The following PRMT8 variants were observed in gnomAD, a reference collection of about 807,000 sequenced individuals.
PRMT8 encodes the protein protein arginine N-methyltransferase 8.
In PRMT8, 7 loss-of-function variants were observed where a neutral mutation model predicts 47.1. That is an observed-to-expected ratio of 0.15 (90% CI 0.08 to 0.28). PRMT8 has a LOEUF of 0.28. Among genes scored for constraint, PRMT8 ranks in the 10% least tolerant of loss-of-function variants. The pLI is 1.00. For missense variants in PRMT8, 237 were observed against 505.4 expected (o/e 0.47, Z 5.09); for synonymous variants, 188 against 186.5 (o/e 1.01, Z -0.07).
chr12:3,490,630 C>T (rs1375885667), upstream of PRMT8, among the ~76,000 whole-genome samples: 2 of 148,658 alleles, frequency 1.3e-5, no homozygotes, highest in Non-Finnish European at 3.0e-5. Flanking sequence ...TTGCCCCTCC[C>T]TCTCAGCCTG....
chr12:3,393,388 G>A (rs1432307547), intron 1 of PRMT8, among the ~76,000 whole-genome samples: 1 of 149,408 alleles, frequency 6.7e-6, no homozygotes, highest in Admixed American at 6.7e-5. Flanking sequence ...ATTGATTTTT[G>A]TATAAGGTGT....
At chr12:3,401,649 T>G (rs1190928586) in intron 1 of PRMT8, among the ~76,000 whole-genome samples, 1 of 152,176 alleles carries the variant, frequency 6.6e-6, no homozygotes, top group Non-Finnish European at 1.5e-5. Context: ...AAAATCAGTG[T>G]GCAAAAATTG....
chr12:3,496,214 A>ATATATATATTTTT, intron 1 of PRMT8, among the ~76,000 whole-genome samples: 8 of 27,772 alleles, frequency 2.9e-4, no homozygotes, highest in Admixed American at 7.4e-4. Flanking sequence ...ATATATATAT[A>ATATATATATTTTT]TTTTTTTTTT....
intron 1 of PRMT8, chr12:3,469,000 C>T (rs1205588176): frequency 7.1e-6 from 2 of 283,038 alleles, no homozygotes; most frequent in Admixed American, 4.4e-5. Context: ...GCCATGGCCA[C>T]GTGCTGTCTA....
At chr12:3,435,907 T>C (rs56090319) in intron 1 of PRMT8, among the ~76,000 whole-genome samples, 2,191 of 152,242 alleles carry the variant, frequency 0.014, 52 homozygotes, top group African/African-American at 0.05. Flanking sequence ...TTAAGCTTGA[T>C]ATATTTCATC....
chr12:3,401,388 G>A lies in PRMT8; in HGVS notation c.48+19946G>A, dbSNP rs184823883. The stretch of plus-strand genomic sequence containing the variant: ...ATGTCATACTGAATAAGCAAAAGCT[G>A]GAAGCATTCCACTTGAAAATCGGCA... On this transcript the variant is annotated intron_variant, in intron 1 of 9. Transcript: ENST00000452611. Among the ~76,000 whole-genome samples the A allele has an allele frequency of 2.3e-3, 343 of 152,080 alleles. 3 individuals are homozygous for A. Among genetic ancestry groups the A allele is most frequent in the African/African-American group, 8.0e-3 (332 of 41,500 alleles).
At position 3,456,518 on chromosome 12, in the gene PRMT8, C is replaced by A. The variant is rs542529140; in HGVS notation, c.48+75076C>A. Among the ~76,000 whole-genome samples, 2 of 152,186 alleles carry A rather than the reference C, an allele frequency of 1.3e-5. No individual in the cohort carries two copies. Among genetic ancestry groups the A allele is most frequent in the Non-Finnish European group, 2.9e-5 (2 of 68,028 alleles). ...ACCCACGAGCACACATTCGGCATCA[C>A]GAGCGATCTGTTGTGCAGCCCGATC... On this transcript the variant is annotated intron_variant, in intron 1 of 9. Coordinates refer to the PRMT8 transcript ENST00000452611. This position sits in a 1 kb window ranked among gnomAD's most constrained non-coding sequence, Gnocchi z 4.2.
In PRMT8 at chr12:3,454,776, G is replaced by C. The variant is rs11062654; in HGVS notation, c.48+73334G>C. Among the ~76,000 whole-genome samples the C allele has an allele frequency of 8.0e-3, 1,218 of 152,258 alleles. 41 individuals are homozygous for C. The East Asian group carries it at 0.091, about 11-fold the overall frequency. ...CACCTGCTTCCTCGTGTTGTTTGCTGCCTATTGACCTAGAATCCCACAGAC... is the reference window on the plus strand; with the variant it reads ...CACCTGCTTCCTCGTGTTGTTTGCTCCCTATTGACCTAGAATCCCACAGAC... On this transcript the variant is annotated intron_variant, in intron 1 of 9. Transcript: ENST00000452611.
intron 1 of PRMT8, among the ~76,000 whole-genome samples, chr12:3,494,746 A>G (rs1391594639): frequency 6.6e-6 from 1 of 152,228 alleles, no homozygotes; most frequent in East Asian, 1.9e-4. Context: ...GTACCCAGCT[A>G]GGGTACGAGA....
chr12:3,449,200 G>C (rs565693850), intron 1 of PRMT8, among the ~76,000 whole-genome samples: 1 of 152,142 alleles, frequency 6.6e-6, no homozygotes, highest in African/African-American at 2.4e-5. Context: ...GTGAATATAC[G>C]TGTGCATGTA....
chr12:3,480,688 G>A (rs1865266121), intron 1 of PRMT8, among the ~76,000 whole-genome samples: 1 of 152,034 alleles, frequency 6.6e-6, no homozygotes, highest in African/African-American at 2.4e-5. Flanking sequence ...TGCTTTCTCT[G>A]ATGCCTATAG....
chr12:3,419,970 AGGGAGAGGGGGAGAGGGGGAGAG>A (rs1864522873), intron 1 of PRMT8, among the ~76,000 whole-genome samples: 1 of 83,604 alleles, frequency 1.2e-5, no homozygotes, highest in African/African-American at 4.7e-5. Flanking sequence ...GGGGAGAAAG[AGGGAGAGGGGGAGAGGGGGAGAG>A]GGGAGAGGGG....
Position 3,491,284 on chromosome 12 carries a change from G to C in PRMT8, c.-342G>C. ...CCGGACTTTGCGAGCAGCCTGGAGAGGATCCGCGACCGCCGCCGCCGCCGC... is the reference window on the plus strand; with the variant it reads ...CCGGACTTTGCGAGCAGCCTGGAGACGATCCGCGACCGCCGCCGCCGCCGC... On this transcript the variant is annotated 5_prime_UTR_variant, in exon 1 of 10. Transcript: ENST00000382622. 8.9e-7 allele frequency: 1 copy of C among 1,126,378 alleles called. No individual in the cohort carries two copies. The highest frequency in any genetic ancestry group is 3.8e-4 in the Middle Eastern group (1 of 2,616). 69.8% of individuals were successfully genotyped at this position (1,126,378 alleles called of 1,614,324 possible). A position where few individuals can be genotyped will look rare whatever the true frequency, so the allele number is the denominator to read the frequency against.
In PRMT8 at chr12:3,514,211, CTTTT is replaced by C. The variant is rs377360240; in HGVS notation, c.75+22522_75+22525del. Among the ~76,000 whole-genome samples, 2 of 141,920 alleles carry C rather than the reference CTTTT, an allele frequency of 1.4e-5. No individual in the cohort carries two copies. The highest frequency in any genetic ancestry group is 1.4e-4 in the Admixed American group (2 of 14,244). The allele number at this position is 141,920 out of a possible 152,430, so 93.1% of individuals were successfully genotyped here. A position where few individuals can be genotyped will look rare whatever the true frequency, so the allele number is the denominator to read the frequency against. The stretch of plus-strand genomic sequence containing the variant: ...TCTAGCCTCTCTGAATTCATCCTGC[CTTTT>C]TTTTTTTTTTCTGTTACCCCTAAGG... On this transcript the variant is annotated intron_variant, in intron 1 of 9. Transcript: ENST00000382622. The surrounding 1 kb of genome is among the most constrained non-coding windows in gnomAD (Gnocchi z 5.9).
rs1042424196 is a variant in PRMT8 at position 3,550,658 on chromosome 12, C to A, written c.417+567C>A. The stretch of plus-strand genomic sequence containing the variant: ...GATGGGGCCCTAGAGATAATGGGAA[C>A]ATCTCCTTCTTGTTTTCTTTAGAGG... On this transcript the variant is annotated intron_variant, in intron 3 of 9. Coordinates refer to ENST00000382622, the MANE Select transcript of PRMT8 (RefSeq NM_019854.5). This position sits in a 1 kb window ranked among gnomAD's most constrained non-coding sequence, Gnocchi z 5.1. The A allele has an allele frequency of 3.9e-5, 6 of 152,238 alleles. No individual in the cohort carries two copies. Among genetic ancestry groups the A allele is most frequent in the African/African-American group, 1.4e-4 (6 of 41,458 alleles). 9.4% of individuals were successfully genotyped at this position (152,238 alleles called of 1,614,324 possible).
chr12:3,427,404 AC>A (rs1371090251), intron 1 of PRMT8, among the ~76,000 whole-genome samples: 5 of 152,130 alleles, frequency 3.3e-5, no homozygotes, highest in Non-Finnish European at 5.9e-5. Flanking sequence ...ACTGGATGAT[AC>A]CCCTTTAACT....
intron 1 of PRMT8, among the ~76,000 whole-genome samples, chr12:3,465,129 A>AAAT (rs1555082223): frequency 5.6e-4 from 31 of 55,374 alleles, no homozygotes; most frequent in Admixed American, 1.5e-3. Flanking sequence ...TCTCAAAAAA[A>AAAT]ATATATATAT....
Position 3,507,208 on chromosome 12 carries a change from G to A in PRMT8, c.75+15508G>A, listed in dbSNP as rs1193836394. Among the ~76,000 whole-genome samples the A allele has an allele frequency of 5.7e-5, 8 of 141,382 alleles. No homozygotes were observed. The East Asian group carries it at 8.8e-4, about 16-fold the overall frequency. 92.8% of individuals were successfully genotyped at this position (141,382 alleles called of 152,430 possible). A position where few individuals can be genotyped will look rare whatever the true frequency, so the allele number is the denominator to read the frequency against. ...GCCATCTCAGCTTACTGCAAGCTCC[G>A]CCTCCCGGGTTCACGCCATTCTCCT... On this transcript the variant is annotated intron_variant, in intron 1 of 9. Transcript: ENST00000382622.
At position 3,580,450 on chromosome 12, in the gene PRMT8, A is replaced by G. The variant is rs184626685; in HGVS notation, c.829-2608A>G. Among the ~76,000 whole-genome samples, 117 of 152,262 alleles carry G rather than the reference A, an allele frequency of 7.7e-4. 1 individual carries two copies. Among genetic ancestry groups the G allele is most frequent in the African/African-American group, 2.7e-3 (111 of 41,548 alleles). ...AGGAATCATTGAAGGTTATAGATCCAGAGACTGACACAGTCTGGATGAACC... is the reference window on the plus strand; with the variant it reads ...AGGAATCATTGAAGGTTATAGATCCGGAGACTGACACAGTCTGGATGAACC... On this transcript the variant is annotated intron_variant, in intron 7 of 9. Coordinates refer to ENST00000382622, the MANE Select transcript of PRMT8 (RefSeq NM_019854.5). This position sits in a 1 kb window ranked among gnomAD's most constrained non-coding sequence, Gnocchi z 4.6.
Sources: allele counts gnomAD v4.1 joint callset (sites outside exome capture counted in the v4.1 genomes callset), GRCh38; gene constraint gnomAD v4.1.1; non-coding constraint Gnocchi (gnomAD v3.1); transcripts MANE v1.5; gene names NCBI Gene and HGNC (gene_info 2026-07-23, HGNC 2026-07-21).